Variants in EXOC3 observed in about 807,000 individuals in gnomAD.
The protein encoded by EXOC3 is SEC6-like 1.
EXOC3 carries 21 observed loss-of-function variants against 73.7 expected under a neutral mutation model. The ratio of observed to expected loss-of-function variants is 0.29; its 90% CI spans 0.20 to 0.41. EXOC3 has a LOEUF of 0.41. Ranked by LOEUF, EXOC3 falls within the 10% of genes least tolerant of loss-of-function variation. EXOC3 has a pLI of 1.00. For missense variants in EXOC3, 842 were observed against 985.1 expected, an observed-to-expected ratio of 0.85 and a Z score of 1.95; for synonymous variants, 410 against 389.1, an observed-to-expected ratio of 1.05 and a Z score of -0.63.
rs774011095 is a variant in EXOC3 at position 462,077 on chromosome 5, G to A, written c.1502+7G>A. On this transcript the variant is annotated splice_region_variant and intron_variant, in intron 8 of 12. Coordinates refer to ENST00000512944, the MANE Select transcript of EXOC3 (RefSeq NM_007277.5). ...ACAACTGCCAGACCTTCAAGTGAGT[G>A]TGGCCGGGCGCTGTGGCGGGGGAGC... The A allele has an allele frequency of 6.2e-7, 1 of 1,610,454 alleles. No individual in the cohort carries two copies. Among genetic ancestry groups the A allele is most frequent in the East Asian group, 2.2e-5 (1 of 44,784 alleles).
At chr5:464,949 C>T in intron 10 of EXOC3, 162 bp from the exon 11 acceptor site, 1 of 741,812 alleles carries the variant, frequency 1.3e-6, no homozygotes. Flanking sequence ...CACTGAGCCC[C>T]CGCTCCTCCT....
intron 3 of EXOC3, among the ~76,000 whole-genome samples, chr5:449,948 T>C (rs1261133402): frequency 6.6e-6 from 1 of 152,230 alleles, no homozygotes; most frequent in African/African-American, 2.4e-5. Flanking sequence ...CTTAGGTTTT[T>C]AAAAATATCC....
intron 12 of EXOC3, chr5:466,182 T>G: frequency 3.1e-6 from 1 of 327,080 alleles, no homozygotes; most frequent in Non-Finnish European, 5.8e-6. Context: ...TTTAGGAAGT[T>G]TCCTCTGTGC....
At chr5:460,217 T>TC (rs1370166916) in intron 7 of EXOC3, among the ~76,000 whole-genome samples, 1 of 152,186 alleles carries the variant, frequency 6.6e-6, no homozygotes, top group Non-Finnish European at 1.5e-5. Flanking sequence ...TTGGACTGCA[T>TC]CGCATGAGGG....
chr5:453,112 G>A (rs977407970), intron 3 of EXOC3, among the ~76,000 whole-genome samples: 6 of 152,202 alleles, frequency 3.9e-5, no homozygotes, highest in Admixed American at 2.6e-4. Context: ...AGCTGCCTGC[G>A]GGGTGGGAGG....
intron 7 of EXOC3, among the ~76,000 whole-genome samples, chr5:459,935 A>C (rs1737935049): frequency 1.3e-5 from 2 of 152,256 alleles, no homozygotes; most frequent in Non-Finnish European, 2.9e-5. Flanking sequence ...AAAAGAGTTT[A>C]AAAAACTGTG....
chr5:461,787 C>T (rs1737993225), intron 7 of EXOC3, 173 bp from the exon 8 acceptor site: 1 of 598,022 alleles, frequency 1.7e-6, no homozygotes, highest in Non-Finnish European at 3.0e-6. Flanking sequence ...AAGTAATCAA[C>T]CTCTCTGTCC....
intron 3 of EXOC3, among the ~76,000 whole-genome samples, chr5:451,266 C>T (rs1277769108): frequency 6.6e-6 from 1 of 152,194 alleles, no homozygotes; most frequent in African/African-American, 2.4e-5. Flanking sequence ...TATCTCGCTT[C>T]AGTTTGAATT....
In EXOC3 at chr5:464,399, A is replaced by G. The variant is rs1738074697; in HGVS notation, c.1763A>G (p.Lys588Arg). The G allele has an allele frequency of 6.2e-7, 1 of 1,613,612 alleles. No individual in the cohort carries two copies. Among genetic ancestry groups the G allele is most frequent in the Admixed American group, 1.7e-5 (1 of 60,002 alleles). ...DYFNDFAKIKKPYKKRMTAEA... is the reference protein window; with the variant it reads ...DYFNDFAKIKRPYKKRMTAEA... The stretch of plus-strand genomic sequence containing the variant: ...TTCAACGATTTTGCCAAAATTAAAA[A>G]GCCGTATAAGAAGGTAAGAAGGTGG... The change falls in exon 10 of 13, where the codon AAG becomes AGG. Residue 588 changes from lysine (K) to arginine (R), a missense_variant. Physicochemically the swap from Lys to Arg is conservative, Grantham distance 26. Coordinates refer to ENST00000512944, the MANE Select transcript of EXOC3 (RefSeq NM_007277.5).
At chr5:454,108 G>T (rs1245268316) in intron 4 of EXOC3, 57 bp downstream of exon 4, 3 of 1,401,836 alleles carry the variant, frequency 2.1e-6, no homozygotes, top group East Asian at 2.5e-5. Flanking sequence ...TGTGAGAGGG[G>T]CCTGCAGCTG....
At chr5:455,127 T>G (rs1269379731) in intron 4 of EXOC3, among the ~76,000 whole-genome samples, 3 of 152,134 alleles carry the variant, frequency 2.0e-5, no homozygotes, top group Admixed American at 2.0e-4. Flanking sequence ...GGCCGCCCAT[T>G]CTGTAGCCTT....
chr5:448,733 C>T lies in EXOC3; in HGVS notation c.364+981C>T, dbSNP rs749910171. 9.7e-4 allele frequency among the ~76,000 whole-genome samples: 147 copies of T among 152,318 alleles called. 4 individuals are homozygous for T. The highest frequency in any genetic ancestry group is 1.1e-3 in the Admixed American group (17 of 15,302). On this transcript the variant is annotated intron_variant, in intron 3 of 12. Coordinates refer to ENST00000512944, the MANE Select transcript of EXOC3 (RefSeq NM_007277.5). The stretch of plus-strand genomic sequence containing the variant: ...ACAGCGCACCTTGGTAATCCGTGTC[C>T]CGTCCACCCTGTCCTCTCTGCCCTC...
chr5:462,006 C>A lies in EXOC3; in HGVS notation c.1438C>A (p.Arg480=), dbSNP rs1221952892. 1.9e-6 allele frequency: 3 copies of A among 1,605,886 alleles called. No homozygotes were observed. The highest frequency in any genetic ancestry group is 2.6e-6 in the Non-Finnish European group (3 of 1,176,002). ...QLYKEEHLRN[R]QHPHCYVQYM... ...GTATAAAGAAGAGCACCTGAGGAATCGGCAGCACCCTCACTGCTACGTTCA... is the reference window on the plus strand; with the variant it reads ...GTATAAAGAAGAGCACCTGAGGAATAGGCAGCACCCTCACTGCTACGTTCA... The change falls in exon 8 of 13, where the codon CGG becomes AGG. Residue 480 remains arginine, a synonymous_variant. Coordinates refer to ENST00000512944, the MANE Select transcript of EXOC3 (RefSeq NM_007277.5).
At chr5:449,087 G>A (rs1419761083) in intron 3 of EXOC3, among the ~76,000 whole-genome samples, 1 of 152,198 alleles carries the variant, frequency 6.6e-6, no homozygotes. Context: ...GACCAAAAAG[G>A]TGCATTACTG....
chr5:459,883 C>G (rs1032195880), intron 7 of EXOC3, among the ~76,000 whole-genome samples: 1 of 152,250 alleles, frequency 6.6e-6, no homozygotes, highest in Non-Finnish European at 1.5e-5. Flanking sequence ...ACGCCACCCT[C>G]CCCATGAGTT....
Position 465,795 on chromosome 5 carries a change from T to G in EXOC3, c.2016T>G (p.Ser672=). 1.2e-6 allele frequency: 2 copies of G among 1,613,558 alleles called. No homozygotes were observed. Among genetic ancestry groups the G allele is most frequent in the Non-Finnish European group, 8.5e-7 (1 of 1,179,736 alleles). The change falls in exon 12 of 13, where the codon TCT becomes TCG. Residue 672 remains serine (S), a synonymous_variant. Coordinates refer to ENST00000512944, the MANE Select transcript of EXOC3 (RefSeq NM_007277.5). The part of the protein sequence containing the change: ...VAEVIKLTDP[S]LLYLEVSTLV... ...AAGTGATCAAGCTGACAGACCCTTCTCTGCTCTACCTGGAGGTCTCCACTC... is the reference window on the plus strand; with the variant it reads ...AAGTGATCAAGCTGACAGACCCTTCGCTGCTCTACCTGGAGGTCTCCACTC...
At chr5:464,487 T>C in intron 10 of EXOC3, 75 bp downstream of exon 10, 1 of 1,503,234 alleles carries the variant, frequency 6.7e-7, no homozygotes, top group Non-Finnish European at 9.2e-7. Flanking sequence ...GAATTCAGCA[T>C]CCAGCGAGTC....
chr5:459,589 C>A, intron 7 of EXOC3, 130 bp downstream of exon 7: 1 of 534,100 alleles, frequency 1.9e-6, no homozygotes, highest in Non-Finnish European at 3.4e-6. Flanking sequence ...CGTGTCACTC[C>A]TGTGTTCTTC....
intron 3 of EXOC3, among the ~76,000 whole-genome samples, chr5:452,579 C>G (rs556345247): frequency 2.9e-4 from 44 of 152,220 alleles, no homozygotes; most frequent in Non-Finnish European, 5.7e-4. Flanking sequence ...TCTTTGGGTG[C>G]CTTGTGATGT....
Sources: gnomAD v4.1 joint callset for allele counts (sites outside exome capture counted in the v4.1 genomes callset) on GRCh38, gnomAD v4.1.1 for gene constraint, MANE v1.5 for transcripts, NCBI Gene and HGNC (gene_info 2026-07-23, HGNC 2026-07-21) for gene names.